The following CAMK2D variants were observed in gnomAD, a reference collection of about 807,000 sequenced individuals.
The protein encoded by CAMK2D is calcium/calmodulin dependent protein kinase II delta, also known as calcium/calmodulin-dependent protein kinase type II subunit delta.
In CAMK2D, 37 loss-of-function variants were observed where a neutral mutation model predicts 84.0. The ratio of observed to expected loss-of-function variants is 0.44; its 90% CI spans 0.34 to 0.58. The LOEUF (loss-of-function observed/expected upper bound fraction) is 0.58. Ranked by LOEUF, CAMK2D falls within the 20% of genes least tolerant of loss-of-function variation. The pLI is 0.02. For missense variants in CAMK2D, 448 were observed against 652.5 expected (o/e 0.69, Z 3.41); for synonymous variants, 202 against 212.5 (o/e 0.95, Z 0.43).
In CAMK2D at chr4:113,522,634, G is replaced by A. The variant is rs143246515; in HGVS notation, c.602-4977C>T. 3.4e-3 allele frequency among the ~76,000 whole-genome samples: 522 copies of A among 152,276 alleles called. 2 individuals carry two copies. Among genetic ancestry groups the A allele is most frequent in the African/African-American group, 0.012 (481 of 41,544 alleles). On this transcript the variant is annotated intron_variant, in intron 8 of 20. Transcript: ENST00000511664. ...CCTGCACCTGTACTGTGTATGGGGTGGGGTGGTCACCAGGGCGGCAGCTGT... is the reference window on the plus strand; with the variant it reads ...CCTGCACCTGTACTGTGTATGGGGTAGGGTGGTCACCAGGGCGGCAGCTGT...
intron 15 of CAMK2D, among the ~76,000 whole-genome samples, chr4:113,501,035 G>A (rs1408978557): frequency 6.6e-6 from 1 of 152,026 alleles, no homozygotes; most frequent in Non-Finnish European, 1.5e-5. Flanking sequence ...AGAAGCTAAG[G>A]GGGTTAAGCT....
At chr4:113,699,488 A>T (rs974047011) in intron 2 of CAMK2D, among the ~76,000 whole-genome samples, 5 of 152,116 alleles carry the variant, frequency 3.3e-5, no homozygotes, top group African/African-American at 7.2e-5. Context: ...AAGACAGAGG[A>T]CACTACCACG....
intron 9 of CAMK2D, among the ~76,000 whole-genome samples, chr4:113,516,995 TCTA>T (rs1408804937): frequency 1.3e-5 from 2 of 151,898 alleles, no homozygotes; most frequent in Non-Finnish European, 2.9e-5. Flanking sequence ...TATATATATA[TCTA>T]CTTTCAAATA....
intron 6 of CAMK2D, 28 bp downstream of exon 6, chr4:113,547,616 G>GT (rs2098590907): frequency 6.9e-7 from 1 of 1,442,488 alleles, no homozygotes; most frequent in Non-Finnish European, 9.4e-7. Flanking sequence ...CTGTGTGGTG[G>GT]TTTATCTTCT....
intron 2 of CAMK2D, among the ~76,000 whole-genome samples, chr4:113,664,658 C>CTA (rs1292843579): frequency 1.3e-5 from 2 of 152,042 alleles, no homozygotes; most frequent in African/African-American, 4.8e-5. Context: ...CTTATTTAGC[C>CTA]TAATCACAGA....
chr4:113,599,892 G>C (rs1561261714), intron 4 of CAMK2D, among the ~76,000 whole-genome samples: 1 of 152,114 alleles, frequency 6.6e-6, no homozygotes, highest in East Asian at 1.9e-4. Context: ...GGAGGAGGAA[G>C]AGGAGGAGGA....
intron 4 of CAMK2D, among the ~76,000 whole-genome samples, chr4:113,587,334 T>C (rs2098838620): frequency 6.6e-6 from 1 of 152,204 alleles, no homozygotes; most frequent in Non-Finnish European, 1.5e-5. Flanking sequence ...AAAATGACTT[T>C]CAAGTAATTT....
chr4:113,593,896 G>T (rs568319061), intron 4 of CAMK2D, among the ~76,000 whole-genome samples: 1 of 151,856 alleles, frequency 6.6e-6, no homozygotes, highest in East Asian at 2.0e-4. Context: ...ATTATTGAAG[G>T]CTTATTTACC....
chr4:113,500,530 A>AT lies in CAMK2D; in HGVS notation c.1087-20dup. The AT allele has an allele frequency of 1.3e-6, 2 of 1,562,860 alleles. No homozygotes were observed. Among genetic ancestry groups the AT allele is most frequent in the Non-Finnish European group, 1.8e-6 (2 of 1,140,418 alleles). Reference sequence around the variant, plus strand: ...TTGACTCCTGATGAGAAGAAAACACATTTTTAGGTTGCACGCAATGAATAG... The same window carrying AT: ...TTGACTCCTGATGAGAAGAAAACACATTTTTTAGGTTGCACGCAATGAATAG... On this transcript the variant is annotated intron_variant, in intron 15 of 20. Transcript: ENST00000511664.
intron 3 of CAMK2D, among the ~76,000 whole-genome samples, chr4:113,627,141 A>G (rs919614627): frequency 6.6e-6 from 1 of 152,176 alleles, no homozygotes; most frequent in Admixed American, 6.6e-5. Flanking sequence ...GAAGTGAAAA[A>G]AAGCAGAGAA....
intron 4 of CAMK2D, among the ~76,000 whole-genome samples, chr4:113,598,995 G>A (rs141401764): frequency 1.4e-3 from 220 of 152,192 alleles, no homozygotes; most frequent in Non-Finnish European, 2.0e-3. Flanking sequence ...TAAAAAAATG[G>A]ATGAAAAACC....
At chr4:113,691,239 C>G (rs2099386179) in intron 2 of CAMK2D, among the ~76,000 whole-genome samples, 1 of 152,176 alleles carries the variant, frequency 6.6e-6, no homozygotes, top group Non-Finnish European at 1.5e-5. Context: ...AAAACTCTAC[C>G]TAGTTTGCAT....
chr4:113,754,028 A>C lies in CAMK2D; in HGVS notation c.160+5292T>G, dbSNP rs890523279. ...TAACACTGTCCACTGAAATCATTTA[A>C]TATTTATTAAATAAACACATAAAGA... On this transcript the variant is annotated intron_variant, in intron 2 of 20. Transcript: ENST00000511664. 1.6e-5 allele frequency: 15 copies of C among 919,878 alleles called. No individual in the cohort carries two copies. The African/African-American group carries it at 2.0e-4, about 12-fold the overall frequency. The allele number at this position is 919,878 out of a possible 1,614,324, so 57.0% of individuals were successfully genotyped here.
At chr4:113,722,371 C>T (rs2099533155) in intron 2 of CAMK2D, among the ~76,000 whole-genome samples, 1 of 152,070 alleles carries the variant, frequency 6.6e-6, no homozygotes, top group East Asian at 1.9e-4. Flanking sequence ...AGCAGTAAAA[C>T]ACTGAAAATC....
intron 4 of CAMK2D, among the ~76,000 whole-genome samples, chr4:113,564,783 C>T (rs575873896): frequency 6.6e-6 from 1 of 152,262 alleles, no homozygotes; most frequent in South Asian, 2.1e-4. Context: ...ATTTAAAACT[C>T]CTATTCTTCT....
chr4:113,639,115 T>C (rs1156409516), intron 3 of CAMK2D, among the ~76,000 whole-genome samples: 1 of 149,402 alleles, frequency 6.7e-6, no homozygotes, highest in East Asian at 2.0e-4. Context: ...TGTGGTGGTG[T>C]GCACCTGTAG....
intron 4 of CAMK2D, among the ~76,000 whole-genome samples, chr4:113,557,732 G>C (rs1326545994): frequency 6.6e-6 from 1 of 152,054 alleles, no homozygotes; most frequent in Non-Finnish European, 1.5e-5. Context: ...CCTATAATTT[G>C]TAACTGCATA....
At chr4:113,545,385 G>A (rs1016705016) in intron 6 of CAMK2D, among the ~76,000 whole-genome samples, 11 of 151,858 alleles carry the variant, frequency 7.2e-5, no homozygotes, top group African/African-American at 2.4e-4. Flanking sequence ...CATTTCTATC[G>A]CACATCAATT....
At chr4:113,573,420 A>G (rs2098764008) in intron 4 of CAMK2D, among the ~76,000 whole-genome samples, 1 of 152,248 alleles carries the variant, frequency 6.6e-6, no homozygotes, top group Non-Finnish European at 1.5e-5. Flanking sequence ...GGGAACGAAC[A>G]TGACATGAAA....
Sources: gnomAD v4.1 joint callset for allele counts (sites outside exome capture counted in the v4.1 genomes callset) on GRCh38, gnomAD v4.1.1 for gene constraint, MANE v1.5 for transcripts, NCBI Gene and HGNC (gene_info 2026-07-23, HGNC 2026-07-21) for gene names.